Variants in SNX29 observed in about 807,000 individuals in gnomAD.
SNX29 encodes the protein sorting nexin-29.
In SNX29, 78 loss-of-function variants were observed where a neutral mutation model predicts 102.1. That is an observed-to-expected ratio of 0.76 (90% CI 0.64 to 0.92). The LOEUF (loss-of-function observed/expected upper bound fraction) is 0.92. Ranked by LOEUF, SNX29 falls within the 40% of genes least tolerant of loss-of-function variation. The probability of loss-of-function intolerance (pLI) is 0.00; values close to 1 mark genes in which losing one functional copy is unlikely to be tolerated. For synonymous variants in SNX29, 580 were observed against 414.5 expected (o/e 1.40, Z -4.85); for missense variants, 1,280 against 1,061.7 (o/e 1.21, Z -2.86).
chr16:12,488,547 G>A (rs958990395), intron 19 of SNX29, among the ~76,000 whole-genome samples: 8 of 152,086 alleles, frequency 5.3e-5, no homozygotes, highest in African/African-American at 1.9e-4. Context: ...GTACAGAGTC[G>A]AACCTGTTTG....
At chr16:12,119,911 C>G (rs1234707605) in intron 11 of SNX29, among the ~76,000 whole-genome samples, 1 of 152,190 alleles carries the variant, frequency 6.6e-6, no homozygotes, top group African/African-American at 2.4e-5. Context: ...AGGTGCCTCT[C>G]GCATTGCTGG....
intron 18 of SNX29, among the ~76,000 whole-genome samples, chr16:12,464,614 C>G (rs1424187212): frequency 1.3e-5 from 2 of 151,966 alleles, no homozygotes; most frequent in Non-Finnish European, 1.5e-5. Flanking sequence ...ACCACCACAC[C>G]TGGCTAATTT....
intron 19 of SNX29, among the ~76,000 whole-genome samples, chr16:12,494,037 G>GT (rs2088683828): frequency 6.6e-6 from 1 of 152,034 alleles, no homozygotes; most frequent in Admixed American, 6.6e-5. Flanking sequence ...TTTCTTATTT[G>GT]TTTCTAGGAT....
At chr16:12,059,869 T>C (rs1400912397) in intron 8 of SNX29, among the ~76,000 whole-genome samples, 1 of 152,244 alleles carries the variant, frequency 6.6e-6, no homozygotes, top group Non-Finnish European at 1.5e-5. Flanking sequence ...TTGGAAGACC[T>C]GGGCTCCAGT....
chr16:12,026,215 C>A lies in SNX29; in HGVS notation c.123-1105C>A, dbSNP rs149617751. On this transcript the variant is annotated intron_variant, in intron 3 of 20. Transcript: ENST00000566228. ...ATCCAGCTCGTAATTCCAAGGCCACCTTCATTCAGCCCACAGAATCTAAGC... is the reference window on the plus strand; with the variant it reads ...ATCCAGCTCGTAATTCCAAGGCCACATTCATTCAGCCCACAGAATCTAAGC... Among the ~76,000 whole-genome samples, 242 of 152,326 alleles carry A rather than the reference C, an allele frequency of 1.6e-3. 2 individuals carry two copies. Among genetic ancestry groups the A allele is most frequent in the African/African-American group, 5.6e-3 (232 of 41,588 alleles).
chr16:12,533,623 C>A (rs6498318), intron 20 of SNX29, among the ~76,000 whole-genome samples: 4 of 151,916 alleles, frequency 2.6e-5, no homozygotes, highest in Non-Finnish European at 1.5e-5. Flanking sequence ...CCTGGACTGA[C>A]ACCCCAAATT....
chr16:12,099,547 G>A (rs1436407068), intron 11 of SNX29, among the ~76,000 whole-genome samples: 1 of 152,196 alleles, frequency 6.6e-6, no homozygotes, highest in African/African-American at 2.4e-5. Flanking sequence ...TCTGAGGGCG[G>A]CTCTGCCCTT....
At chr16:12,263,438 G>A (rs1332541536) in intron 14 of SNX29, among the ~76,000 whole-genome samples, 3 of 152,040 alleles carry the variant, frequency 2.0e-5, no homozygotes, top group African/African-American at 7.2e-5. Flanking sequence ...CCAACATCTT[G>A]AATAGTTGTA....
chr16:12,539,091 C>T (rs139467500), intron 20 of SNX29, among the ~76,000 whole-genome samples: 74 of 152,172 alleles, frequency 4.9e-4, no homozygotes, highest in African/African-American at 1.6e-3. Flanking sequence ...ATAGATTGCC[C>T]AGAGTCCTAC....
At chr16:12,095,746 A>AGTCAGG (rs1467629926) in intron 11 of SNX29, among the ~76,000 whole-genome samples, 3 of 152,148 alleles carry the variant, frequency 2.0e-5, no homozygotes, top group African/African-American at 7.2e-5. Flanking sequence ...AAGGTGATAG[A>AGTCAGG]GTCAGGTGAG....
rs114977260 is a variant in SNX29 at position 12,571,645 on chromosome 16, G to C, written c.*3016G>C. 5.7e-6 allele frequency: 6 copies of C among 1,058,776 alleles called. No homozygotes were observed. Among genetic ancestry groups the C allele is most frequent in the African/African-American group, 5.0e-5 (3 of 60,432 alleles). The allele number at this position is 1,058,776 out of a possible 1,614,324, so 65.6% of individuals were successfully genotyped here. A position where few individuals can be genotyped will look rare whatever the true frequency, so the allele number is the denominator to read the frequency against. On this transcript the variant is annotated 3_prime_UTR_variant, in exon 21 of 21. Transcript: ENST00000566228. ...ATCTTTTTTTCTCCCCCAGATGAAAGACGACTCAGGAACGGTAGGGCTGGG... is the reference window on the plus strand; with the variant it reads ...ATCTTTTTTTCTCCCCCAGATGAAACACGACTCAGGAACGGTAGGGCTGGG...
chr16:12,565,268 C>CA (rs1385552317), intron 20 of SNX29, among the ~76,000 whole-genome samples: 1 of 152,194 alleles, frequency 6.6e-6, no homozygotes, highest in African/African-American at 2.4e-5. Context: ...GCAAGAGGTT[C>CA]AGCCTCACAT....
rs1364394509 is a variant in SNX29, at chr16:12,568,986, G to A, written c.*357G>A. ...GGTGCGCCATGGTTGAGAGGCAAAG[G>A]TGATCCCCTATATAGGAAGGTTCAT... On this transcript the variant is annotated 3_prime_UTR_variant, in exon 21 of 21. Transcript: ENST00000566228. 6 of 332,126 alleles carry A rather than the reference G, an allele frequency of 1.8e-5. No homozygotes were observed. Among genetic ancestry groups the A allele is most frequent in the African/African-American group, 1.3e-4 (6 of 47,906 alleles). The allele number at this position is 332,126 out of a possible 1,614,324, so 20.6% of individuals were successfully genotyped here.
intron 14 of SNX29, among the ~76,000 whole-genome samples, chr16:12,250,329 A>G (rs1459509491): frequency 6.6e-6 from 1 of 152,162 alleles, no homozygotes; most frequent in Non-Finnish European, 1.5e-5. Context: ...AGTCTGTAGA[A>G]ATGAGTGTCA....
intron 18 of SNX29, among the ~76,000 whole-genome samples, chr16:12,406,496 C>T (rs758389684): frequency 5.3e-5 from 8 of 152,182 alleles, no homozygotes; most frequent in African/African-American, 1.2e-4. Context: ...AACATAAATT[C>T]GACTGGAGAG....
intron 18 of SNX29, among the ~76,000 whole-genome samples, chr16:12,444,655 G>A (rs922746944): frequency 2.6e-5 from 4 of 152,052 alleles, no homozygotes; most frequent in African/African-American, 9.7e-5. Flanking sequence ...ACAAGGGAGA[G>A]CGTTTTTCTC....
chr16:12,411,047 T>C (rs140469952), intron 18 of SNX29, among the ~76,000 whole-genome samples: 46 of 152,320 alleles, frequency 3.0e-4, no homozygotes, highest in African/African-American at 1.1e-3. Context: ...GATGAAATGG[T>C]TGGACCGAGT....
At chr16:11,981,535 T>C (rs1471332357) in intron 1 of SNX29, among the ~76,000 whole-genome samples, 1 of 152,194 alleles carries the variant, frequency 6.6e-6, no homozygotes, top group Non-Finnish European at 1.5e-5. Flanking sequence ...AAGGATCCTT[T>C]GCAGGCCTCT....
In SNX29 at chr16:12,517,419, C is replaced by T. The variant is rs74780774; in HGVS notation, c.2179-7283C>T. ...AGTTCCCTGTCTTCACTCACTTGCTCCCTGGTGTTCGGCTCTCTTTGGAAT... is the reference window on the plus strand; with the variant it reads ...AGTTCCCTGTCTTCACTCACTTGCTTCCTGGTGTTCGGCTCTCTTTGGAAT... On this transcript the variant is annotated intron_variant, in intron 19 of 20. Transcript: ENST00000566228. 9.5e-4 allele frequency among the ~76,000 whole-genome samples: 144 copies of T among 152,332 alleles called. 1 individual carries two copies. In the East Asian group the frequency reaches 0.018, roughly 19 times the overall value.
Sources: gnomAD v4.1 joint callset for allele counts (sites outside exome capture counted in the v4.1 genomes callset) on GRCh38, gnomAD v4.1.1 for gene constraint, MANE v1.5 for transcripts, NCBI Gene and HGNC (gene_info 2026-07-23, HGNC 2026-07-21) for gene names.